DTHD1: variants seen among roughly 807,000 people sequenced by gnomAD.
DTHD1 encodes death domain-containing protein 1.
In DTHD1, 59 loss-of-function variants were observed where a neutral mutation model predicts 74.8. The ratio of observed to expected loss-of-function variants is 0.79; its 90% CI spans 0.64 to 0.98. The LOEUF (loss-of-function observed/expected upper bound fraction) is 0.98. Ranked by LOEUF, DTHD1 falls within the 50% of genes least tolerant of loss-of-function variation. The pLI, the probability that DTHD1 is intolerant of heterozygous loss-of-function variation, is 0.00. For synonymous variants in DTHD1, 365 were observed against 371.1 expected (o/e 0.98, Z 0.19); for missense variants, 1,051 against 1,065.4 (o/e 0.99, Z 0.19).
At chr4:36,332,279 A>G (rs556077608) in intron 8 of DTHD1, among the ~76,000 whole-genome samples, 104 of 152,068 alleles carry the variant, frequency 6.8e-4, no homozygotes, top group Non-Finnish European at 1.2e-3. Flanking sequence ...TCTAGTATTC[A>G]AAGGTAGCAT....
intron 8 of DTHD1, among the ~76,000 whole-genome samples, chr4:36,335,095 C>G (rs1758932825): frequency 6.6e-6 from 1 of 152,132 alleles, no homozygotes; most frequent in Non-Finnish European, 1.5e-5. Context: ...TAGTATAGTG[C>G]ATAAATTCCC....
In DTHD1 at chr4:36,306,497, C is replaced by A. The variant is rs1201276821; in HGVS notation, c.1805+145C>A. 1.7e-5 allele frequency: 15 copies of A among 866,026 alleles called. No individual in the cohort carries two copies. In the Admixed American group the frequency reaches 4.8e-4, roughly 27 times the overall value. The allele number at this position is 866,026 out of a possible 1,614,324, so 53.6% of individuals were successfully genotyped here. ...CTTTAAAGGGTACTTAAAATACAAA[C>A]CAGAATTGACATGGGTATGCTATCT... On this transcript the variant is annotated intron_variant, in intron 6 of 9. Transcript: ENST00000639862.
At chr4:36,303,167 C>T (rs893581876) in intron 5 of DTHD1, among the ~76,000 whole-genome samples, 16 of 152,160 alleles carry the variant, frequency 1.1e-4, no homozygotes, top group Admixed American at 3.9e-4. Context: ...CAGCATGTTG[C>T]CTTTTATGGA....
chr4:36,341,958 T>G (rs1759337890), intron 9 of DTHD1, among the ~76,000 whole-genome samples: 1 of 152,128 alleles, frequency 6.6e-6, no homozygotes, highest in Non-Finnish European at 1.5e-5. Flanking sequence ...GCAGTAATAT[T>G]AAGGGGCTAA....
At chr4:36,311,515 C>T (rs181447215) in intron 7 of DTHD1, among the ~76,000 whole-genome samples, 167 of 151,356 alleles carry the variant, frequency 1.1e-3, no homozygotes, top group African/African-American at 3.7e-3. Flanking sequence ...CAGATCTCAC[C>T]TCAACTATCA....
Position 36,308,501 on chromosome 4 carries a change from T to TA in DTHD1, c.2095+11dup. The TA allele has an allele frequency of 6.5e-7, 1 of 1,536,300 alleles. No homozygotes were observed. Among genetic ancestry groups the TA allele is most frequent in the Non-Finnish European group, 8.8e-7 (1 of 1,139,728 alleles). ...GAAACATATTTGCTTCAAGTAAGTA[T>TA]AAAGAAATCTTTTTATATATTTTAT... is the stretch of plus-strand genomic sequence containing the variant. On this transcript the variant is annotated intron_variant, in intron 7 of 9. Coordinates refer to ENST00000639862, the MANE Select transcript of DTHD1 (RefSeq NM_001170700.3).
intron 8 of DTHD1, among the ~76,000 whole-genome samples, chr4:36,326,603 T>G (rs1758360955): frequency 6.6e-6 from 1 of 152,242 alleles, no homozygotes; most frequent in Admixed American, 6.5e-5. Flanking sequence ...AGAGCACTGC[T>G]CATTCAATTT....
At chr4:36,329,531 T>C (rs759283270) in intron 8 of DTHD1, among the ~76,000 whole-genome samples, 4 of 152,228 alleles carry the variant, frequency 2.6e-5, no homozygotes, top group Non-Finnish European at 5.9e-5. Context: ...TTATCATTCA[T>C]ACCCCCTAAA....
At chr4:36,319,495 C>T (rs60132447) in intron 8 of DTHD1, among the ~76,000 whole-genome samples, 5,249 of 152,254 alleles carry the variant, frequency 0.034, 145 homozygotes, top group South Asian at 0.13. Context: ...CCAGGCAGCT[C>T]AGCTGGCACA....
intron 7 of DTHD1, 73 bp downstream of exon 7, chr4:36,308,566 C>T: frequency 1.6e-6 from 2 of 1,259,714 alleles, no homozygotes; most frequent in Non-Finnish European, 2.1e-6. Context: ...GTTTGCTAAA[C>T]TTGTGTTACT....
chr4:36,292,872 T>C (rs1427633014), intron 3 of DTHD1, among the ~76,000 whole-genome samples: 2 of 152,240 alleles, frequency 1.3e-5, no homozygotes, highest in Non-Finnish European at 2.9e-5. Flanking sequence ...TTTTCATTTA[T>C]GTACGCAGTT....
At chr4:36,297,015 A>G (rs1179248783) in intron 5 of DTHD1, among the ~76,000 whole-genome samples, 1 of 152,246 alleles carries the variant, frequency 6.6e-6, no homozygotes, top group Non-Finnish European at 1.5e-5. Context: ...TTATAATAAA[A>G]TAAGCTAGAG....
rs116818833 is a variant in DTHD1 at position 36,296,876 on chromosome 4, G to A, written c.1643+1837G>A. On this transcript the variant is annotated intron_variant, in intron 5 of 9. Coordinates refer to ENST00000639862, the MANE Select transcript of DTHD1 (RefSeq NM_001170700.3). ...AACCACCAAGAAGTTGAAAATGTGC[G>A]TATAACTTTTGACTCCTCGAAAACC... is the stretch of plus-strand genomic sequence containing the variant. 2.0e-3 allele frequency among the ~76,000 whole-genome samples: 309 copies of A among 151,972 alleles called. 1 individual carries two copies. Among genetic ancestry groups the A allele is most frequent in the African/African-American group, 7.0e-3 (289 of 41,442 alleles).
chr4:36,288,672 A>G (rs1021722956), intron 2 of DTHD1, among the ~76,000 whole-genome samples: 3 of 152,258 alleles, frequency 2.0e-5, no homozygotes, highest in African/African-American at 7.2e-5. Flanking sequence ...CTATGTGTCT[A>G]TTTGTATACC....
At chr4:36,309,865 GC>G (rs1428085221) in intron 7 of DTHD1, among the ~76,000 whole-genome samples, 1 of 152,148 alleles carries the variant, frequency 6.6e-6, no homozygotes, top group Non-Finnish European at 1.5e-5. Context: ...GAGTTTTTCA[GC>G]CCTTGTAGTC....
chr4:36,321,422 C>T (rs935724107), intron 8 of DTHD1, among the ~76,000 whole-genome samples: 2 of 152,164 alleles, frequency 1.3e-5, no homozygotes, highest in Non-Finnish European at 2.9e-5. Context: ...AGTGCAAACC[C>T]TATTGTGAAA....
At chr4:36,336,371 G>T (rs997789912) in intron 8 of DTHD1, among the ~76,000 whole-genome samples, 1 of 141,230 alleles carries the variant, frequency 7.1e-6, no homozygotes, top group African/African-American at 2.7e-5. Flanking sequence ...TTGTTGTTTT[G>T]AAGGGAAAGC....
chr4:36,339,235 G>T, intron 9 of DTHD1, 66 bp downstream of exon 9: 1 of 1,094,288 alleles, frequency 9.1e-7, no homozygotes, highest in South Asian at 1.7e-5. Flanking sequence ...GTATATATGT[G>T]AATCATTTCA....
At chr4:36,299,321 A>G (rs867794647) in intron 5 of DTHD1, among the ~76,000 whole-genome samples, 1 of 152,300 alleles carries the variant, frequency 6.6e-6, no homozygotes. Context: ...GCTAGGATGA[A>G]AATGAATTTT....
Sources: gnomAD v4.1 joint callset for allele counts (sites outside exome capture counted in the v4.1 genomes callset) on GRCh38, gnomAD v4.1.1 for gene constraint, MANE v1.5 for transcripts, NCBI Gene and HGNC (gene_info 2026-07-23, HGNC 2026-07-21) for gene names.